CENPC: variants seen among roughly 807,000 people sequenced by gnomAD.
CENPC encodes CENP-C 1.
In CENPC, 63 loss-of-function variants were observed where a neutral mutation model predicts 112.1. The ratio of observed to expected loss-of-function variants is 0.56; its 90% confidence interval spans 0.46 to 0.69. CENPC has a LOEUF of 0.69. CENPC is among the 30% of genes least tolerant of loss of function. The probability of loss-of-function intolerance (pLI) is 0.00; values close to 1 mark genes in which losing one functional copy is unlikely to be tolerated. For synonymous variants in CENPC, 333 were observed against 367.6 expected, an observed-to-expected ratio of 0.91 and a Z score of 1.08; for missense variants, 1,000 against 1,103.8, an observed-to-expected ratio of 0.91 and a Z score of 1.33.
chr4:67,479,986 G>A (rs550421721), intron 17 of CENPC, among the ~76,000 whole-genome samples: 14 of 152,246 alleles, frequency 9.2e-5, no homozygotes, highest in Non-Finnish European at 1.3e-4. Flanking sequence ...CCAATAACAA[G>A]CAATGAGATT....
At chr4:67,515,755 T>C (rs866175887) in intron 7 of CENPC, among the ~76,000 whole-genome samples, 2 of 151,900 alleles carry the variant, frequency 1.3e-5, no homozygotes, top group Non-Finnish European at 2.9e-5. Flanking sequence ...AATCATGGTA[T>C]AGAAATAAAT....
At chr4:67,521,026 TAAATAAATAAATA>T (rs1254018554) in intron 5 of CENPC, among the ~76,000 whole-genome samples, 2 of 19,564 alleles carry the variant, frequency 1.0e-4, no homozygotes, top group South Asian at 4.7e-3. Flanking sequence ...AATAAACAAA[TAAATAAATAAATA>T]AATAAATAAA....
chr4:67,540,925 A>C, intron 3 of CENPC, 55 bp downstream of exon 3: 1 of 1,182,766 alleles, frequency 8.5e-7, no homozygotes, highest in Non-Finnish European at 1.2e-6. Context: ...TACCATGACA[A>C]ATTCATATTT....
intron 18 of CENPC, among the ~76,000 whole-genome samples, chr4:67,473,207 A>T (rs1724716889): frequency 1.3e-5 from 2 of 152,076 alleles, no homozygotes; most frequent in African/African-American, 4.8e-5. Flanking sequence ...CTGGGATTAC[A>T]GGCATGAGCC....
intron 5 of CENPC, among the ~76,000 whole-genome samples, chr4:67,530,114 G>T (rs931961418): frequency 6.6e-6 from 1 of 152,022 alleles, no homozygotes; most frequent in African/African-American, 2.4e-5. Context: ...TTAAAAAAAG[G>T]TTTTCAGATG....
At chr4:67,504,245 A>G (rs553503883) in intron 12 of CENPC, among the ~76,000 whole-genome samples, 6 of 152,254 alleles carry the variant, frequency 3.9e-5, no homozygotes, top group African/African-American at 1.4e-4. Context: ...ATACTACAAT[A>G]ACACTACATA....
Position 67,509,100 on chromosome 4 carries a change from C to A in CENPC, c.1618G>T (p.Val540Phe), listed in dbSNP as rs1327451521. Residue 540 changes from valine (V) to phenylalanine (F), a missense_variant, in exon 10 of 19, where the codon GTT (valine) becomes TTT (phenylalanine). Physicochemically the swap from Val to Phe is conservative, Grantham distance 50. Coordinates refer to ENST00000273853, the MANE Select transcript of CENPC (RefSeq NM_001812.4). ...WWVVKSEESP[V>F]YSNSSVRNEL... The stretch of plus-strand genomic sequence containing the variant: ...TTTCTTACTGAAGAATTGCTATAAA[C>A]AGGACCTGAAGGATTCAATGATAAC... 1.9e-6 allele frequency: 3 copies of A among 1,603,564 alleles called. No individual in the cohort carries two copies. The highest frequency in any genetic ancestry group is 1.1e-5 in the South Asian group (1 of 90,726).
rs1724647561 is a variant in CENPC, at chr4:67,471,049, C to A, written c.*1556G>T. 1 of 152,312 alleles carries A rather than the reference C, an allele frequency of 6.6e-6. No homozygotes were observed. Among genetic ancestry groups the A allele is most frequent in the South Asian group, 2.1e-4 (1 of 4,822 alleles). 9.4% of individuals were successfully genotyped at this position (152,312 alleles called of 1,614,324 possible). On this transcript the variant is annotated 3_prime_UTR_variant, in exon 19 of 19. Transcript: ENST00000273853. ...AAAACCAAGGGGAATTTGGGAACTGCCTCCTACAATGAATGCATCCCCCAT... is the reference window on the plus strand; with the variant it reads ...AAAACCAAGGGGAATTTGGGAACTGACTCCTACAATGAATGCATCCCCCAT...
intron 4 of CENPC, among the ~76,000 whole-genome samples, chr4:67,532,782 G>A (rs1177521047): frequency 6.6e-6 from 1 of 152,102 alleles, no homozygotes. Context: ...AGCATTAGGA[G>A]ATACACCTAA....
chr4:67,476,375 C>G (rs945678711), intron 17 of CENPC, among the ~76,000 whole-genome samples: 2 of 152,184 alleles, frequency 1.3e-5, no homozygotes, highest in African/African-American at 4.8e-5. Context: ...TGCCTCCAAA[C>G]ACATCCTTAC....
In CENPC at chr4:67,514,393, G is replaced by A; in HGVS notation, c.1125C>T (p.Pro375=). Residue 375 remains proline, a synonymous_variant, in exon 8 of 19, where the codon CCC becomes CCT. Transcript: ENST00000273853. ...HKPHPVETSQ[P]SDKTVLDTSY... is the part of the protein sequence containing the mutation. ...TTGTATCCAGTACTGTTTTATCAGAGGGCTGAGATGTCTCTACTGGGTGAG... is the reference window on the plus strand; with the variant it reads ...TTGTATCCAGTACTGTTTTATCAGAAGGCTGAGATGTCTCTACTGGGTGAG... The A allele has an allele frequency of 1.2e-6, 2 of 1,613,498 alleles. No individual in the cohort carries two copies. The highest frequency in any genetic ancestry group is 1.7e-6 in the Non-Finnish European group (2 of 1,179,712).
chr4:67,487,722 A>G (rs1273601103), intron 17 of CENPC, among the ~76,000 whole-genome samples: 1 of 151,456 alleles, frequency 6.6e-6, no homozygotes, highest in Admixed American at 6.6e-5. Context: ...TTTAACTTTA[A>G]TATTTTCTAC....
chr4:67,523,771 A>T (rs1294553753), intron 5 of CENPC, among the ~76,000 whole-genome samples: 1 of 152,124 alleles, frequency 6.6e-6, no homozygotes, highest in East Asian at 1.9e-4. Flanking sequence ...GTTTCTAATA[A>T]CATTACCCAG....
At chr4:67,505,075 A>C in intron 12 of CENPC, 130 bp downstream of exon 12, 1 of 661,460 alleles carries the variant, frequency 1.5e-6, no homozygotes, top group Non-Finnish European at 2.6e-6. Flanking sequence ...TTAATCTCTA[A>C]CTAAGGGTCT....
intron 5 of CENPC, among the ~76,000 whole-genome samples, chr4:67,524,794 AC>A (rs2109817735): frequency 1.3e-5 from 2 of 152,294 alleles, no homozygotes; most frequent in Middle Eastern, 3.4e-3. Flanking sequence ...CCATCATGCT[AC>A]TATTGACTTT....
chr4:67,520,727 A>T (rs1373920395), intron 5 of CENPC, among the ~76,000 whole-genome samples: 1 of 152,120 alleles, frequency 6.6e-6, no homozygotes, highest in Non-Finnish European at 1.5e-5. Context: ...ACTAGGAAAG[A>T]GGGGCTGGGC....
intron 17 of CENPC, among the ~76,000 whole-genome samples, chr4:67,475,932 C>A (rs1040643211): frequency 6.6e-6 from 1 of 152,118 alleles, no homozygotes; most frequent in African/African-American, 2.4e-5. Flanking sequence ...TCATGCACTG[C>A]CTAACGATGT....
chr4:67,475,137 T>C (rs892567227), intron 17 of CENPC, among the ~76,000 whole-genome samples, 159 bp from the exon 18 acceptor site: 18 of 152,212 alleles, frequency 1.2e-4, no homozygotes, highest in African/African-American at 3.9e-4. Flanking sequence ...AAAAGGGACC[T>C]TGAGATGGGG....
At chr4:67,500,667 A>G (rs1192702525) in intron 12 of CENPC, among the ~76,000 whole-genome samples, 1 of 152,238 alleles carries the variant, frequency 6.6e-6, no homozygotes, top group Non-Finnish European at 1.5e-5. Context: ...AATGGTCAAG[A>G]TTTTACAACC....
Sources: allele counts gnomAD v4.1 joint callset (sites outside exome capture counted in the v4.1 genomes callset), GRCh38; gene constraint gnomAD v4.1.1; transcripts MANE v1.5; gene names NCBI Gene and HGNC (gene_info 2026-07-23, HGNC 2026-07-21).